GABRG3: variants seen among roughly 807,000 people sequenced by gnomAD.
The protein encoded by GABRG3 is gamma-aminobutyric acid receptor subunit gamma-3.
A neutral mutation model predicts 48.8 loss-of-function variants in GABRG3; 25 were observed. The observed-to-expected ratio is 0.51, with a 90% confidence interval of 0.37 to 0.72. The LOEUF is 0.72. Ranked by LOEUF, GABRG3 falls within the 30% of genes least tolerant of loss-of-function variation. The pLI is 0.00. For missense variants in GABRG3, 394 were observed against 577.9 expected (o/e 0.68, Z 3.26); for synonymous variants, 227 against 217.6 (o/e 1.04, Z -0.38).
intron 3 of GABRG3, among the ~76,000 whole-genome samples, chr15:27,288,824 CCTTGAGCCTGAAGAACCTT>C (rs1456286265): frequency 6.6e-6 from 1 of 152,144 alleles, no homozygotes; most frequent in East Asian, 1.9e-4. Flanking sequence ...ATGTGATTTT[CCTTGAGCCTGAAGAACCTT>C]CATCATTTCC....
intron 3 of GABRG3, among the ~76,000 whole-genome samples, chr15:27,324,711 G>C (rs920802684): frequency 7.9e-5 from 12 of 152,206 alleles, no homozygotes; most frequent in African/African-American, 2.2e-4. Flanking sequence ...CCTGAGGCCA[G>C]CTTCACATGT....
intron 3 of GABRG3, among the ~76,000 whole-genome samples, chr15:27,165,820 C>G (rs894529253): frequency 1.3e-5 from 2 of 152,118 alleles, no homozygotes; most frequent in Non-Finnish European, 2.9e-5. Flanking sequence ...GGGCACCTGT[C>G]ATACCTGTCG....
chr15:27,366,154 A>T (rs1895191830), intron 5 of GABRG3: 1 of 152,130 alleles, frequency 6.6e-6, no homozygotes. Flanking sequence ...ACATCCATGG[A>T]AGCACTATCA....
At chr15:27,238,442 G>A (rs1167086445) in intron 3 of GABRG3, among the ~76,000 whole-genome samples, 1 of 152,216 alleles carries the variant, frequency 6.6e-6, no homozygotes, top group East Asian at 1.9e-4. Context: ...CACATTATTA[G>A]GGAGGCCACC....
intron 5 of GABRG3, among the ~76,000 whole-genome samples, chr15:27,443,183 A>G (rs1435160076): frequency 1.3e-5 from 2 of 152,226 alleles, no homozygotes; most frequent in Non-Finnish European, 2.9e-5. Flanking sequence ...GGACACCGAT[A>G]TACCCAAAGG....
chr15:27,390,653 G>C (rs1379980795), intron 5 of GABRG3, among the ~76,000 whole-genome samples: 2 of 152,172 alleles, frequency 1.3e-5, no homozygotes, highest in South Asian at 2.1e-4. Context: ...GGTGAGTCTG[G>C]TCAGAGCCAG....
chr15:27,201,394 C>T (rs1042450024), intron 3 of GABRG3, among the ~76,000 whole-genome samples: 1 of 148,112 alleles, frequency 6.8e-6, no homozygotes, highest in Non-Finnish European at 1.5e-5. Flanking sequence ...GAGAGAGAAC[C>T]ACAGAGAGAG....
intron 3 of GABRG3, among the ~76,000 whole-genome samples, chr15:27,060,755 C>G (rs2140722390): frequency 6.6e-6 from 1 of 152,326 alleles, no homozygotes; most frequent in Admixed American, 6.5e-5. Flanking sequence ...GCCACTTTCA[C>G]TGGTTATTTT....
At chr15:27,195,371 C>T (rs1459947900) in intron 3 of GABRG3, among the ~76,000 whole-genome samples, 1 of 152,144 alleles carries the variant, frequency 6.6e-6, no homozygotes, top group African/African-American at 2.4e-5. Context: ...CTCACTCTGT[C>T]ACCAGGCTGG....
At chr15:27,483,681 T>C (rs1335506428) in intron 6 of GABRG3, among the ~76,000 whole-genome samples, 1 of 152,168 alleles carries the variant, frequency 6.6e-6, no homozygotes, top group Admixed American at 6.5e-5. Flanking sequence ...ATGATGAAGT[T>C]TGGAAGGCAT....
At chr15:26,999,278 A>G (rs1895399880) in intron 2 of GABRG3, among the ~76,000 whole-genome samples, 1 of 152,190 alleles carries the variant, frequency 6.6e-6, no homozygotes, top group South Asian at 2.1e-4. Context: ...AATGGATGGT[A>G]TGCATAGGTT....
At chr15:27,358,783 G>A (rs1433243143) in intron 5 of GABRG3, among the ~76,000 whole-genome samples, 1 of 152,168 alleles carries the variant, frequency 6.6e-6, no homozygotes, top group Non-Finnish European at 1.5e-5. Context: ...GTGTGCCCCC[G>A]AAAAGCAAGG....
In GABRG3 at chr15:27,207,442, A is replaced by G. The variant is rs537397585; in HGVS notation, c.271-119367A>G. ...CAAAGATTCACATTTTGAAAGCTCT[A>G]TGAATTTAGGAGAGTCCTTCAGGAA... On this transcript the variant is annotated intron_variant, in intron 3 of 9. Coordinates refer to ENST00000615808, the MANE Select transcript of GABRG3 (RefSeq NM_033223.5). Among the ~76,000 whole-genome samples the G allele has an allele frequency of 7.2e-5, 11 of 152,346 alleles. No homozygotes were observed. The South Asian group carries it at 1.7e-3, about 23-fold the overall frequency.
intron 3 of GABRG3, among the ~76,000 whole-genome samples, chr15:27,059,238 A>G (rs1896604977): frequency 1.3e-5 from 2 of 152,190 alleles, no homozygotes; most frequent in Admixed American, 6.5e-5. Flanking sequence ...GGGCACCCCT[A>G]CTGCTCTCTA....
chr15:27,003,190 A>T (rs1895488159), intron 2 of GABRG3, among the ~76,000 whole-genome samples: 1 of 142,172 alleles, frequency 7.0e-6, no homozygotes, highest in Admixed American at 7.2e-5. Flanking sequence ...TTAATTTTGT[A>T]TTTTTATTTT....
chr15:27,296,352 C>T (rs1159455321), intron 3 of GABRG3, among the ~76,000 whole-genome samples: 1 of 151,974 alleles, frequency 6.6e-6, no homozygotes, highest in South Asian at 2.1e-4. Flanking sequence ...ATAGAAATGT[C>T]ATATACAATA....
chr15:27,094,709 T>C (rs1206557655), intron 3 of GABRG3, among the ~76,000 whole-genome samples: 1 of 152,088 alleles, frequency 6.6e-6, no homozygotes, highest in Non-Finnish European at 1.5e-5. Flanking sequence ...GGACATAAAT[T>C]AACTCAATAA....
intron 3 of GABRG3, among the ~76,000 whole-genome samples, chr15:27,254,770 G>T (rs1170471090): frequency 6.6e-6 from 1 of 152,088 alleles, no homozygotes. Flanking sequence ...ATTTGGGGGG[G>T]ACACAAACAC....
intron 3 of GABRG3, among the ~76,000 whole-genome samples, chr15:27,261,202 T>C (rs1474600253): frequency 6.6e-6 from 1 of 152,186 alleles, no homozygotes; most frequent in African/African-American, 2.4e-5. Context: ...AAGGTGTCTC[T>C]AGAAGAAGAA....
Sources: gnomAD v4.1 joint callset for allele counts (sites outside exome capture counted in the v4.1 genomes callset) on GRCh38, gnomAD v4.1.1 for gene constraint, MANE v1.5 for transcripts, NCBI Gene and HGNC (gene_info 2026-07-23, HGNC 2026-07-21) for gene names.